The following SPATS2L variants were observed in gnomAD, a reference collection of about 807,000 sequenced individuals.
The protein encoded by SPATS2L is SPATS2-like protein.
In SPATS2L, 30 loss-of-function variants were observed where a neutral mutation model predicts 59.6. The ratio of observed to expected loss-of-function variants is 0.50; its 90% confidence interval spans 0.38 to 0.68. The LOEUF (loss-of-function observed/expected upper bound fraction) is 0.68, where lower values mean the gene tolerates loss of function less well. Ranked by LOEUF, SPATS2L falls within the 30% of genes least tolerant of loss-of-function variation. The pLI is 0.00. For synonymous variants in SPATS2L, 252 were observed against 263.5 expected, an observed-to-expected ratio of 0.96 and a Z score of 0.42; for missense variants, 615 against 700.0, an observed-to-expected ratio of 0.88 and a Z score of 1.37.
chr2:200,389,749 G>T (rs2082113792), intron 3 of SPATS2L: 1 of 153,270 alleles, frequency 6.5e-6, no homozygotes, highest in Non-Finnish European at 1.5e-5. Context: ...TCACCTGGTG[G>T]TCACGCTGGG....
chr2:200,402,560 G>T lies in SPATS2L; in HGVS notation c.40-9751G>T, dbSNP rs1344915961. Among the ~76,000 whole-genome samples the T allele has an allele frequency of 2.6e-5, 4 of 152,172 alleles. No individual in the cohort carries two copies. In the South Asian group the frequency reaches 8.3e-4, roughly 32 times the overall value. On this transcript the variant is annotated intron_variant, in intron 3 of 12. Coordinates refer to ENST00000409140, the MANE Select transcript of SPATS2L (RefSeq NM_001100423.2). ...AAGCTAACTTCAGTCCTTGGAGGGG[G>T]CTTCCCTTACTCTCTAGACTAGGAC...
intron 8 of SPATS2L, among the ~76,000 whole-genome samples, chr2:200,450,515 G>A (rs1376262750): frequency 1.3e-5 from 2 of 152,136 alleles, no homozygotes; most frequent in East Asian, 1.9e-4. Flanking sequence ...GTCTTGCCAT[G>A]CCTTCGCTAC....
At chr2:200,471,126 A>G (rs760013332) in intron 11 of SPATS2L, among the ~76,000 whole-genome samples, 9 of 152,050 alleles carry the variant, frequency 5.9e-5, no homozygotes, top group Non-Finnish European at 1.0e-4. Flanking sequence ...AGATCGCACC[A>G]CTGCACTCCA....
chr2:200,318,245 C>G (rs1164685076), intron 1 of SPATS2L, among the ~76,000 whole-genome samples: 1 of 152,158 alleles, frequency 6.6e-6, no homozygotes, highest in Non-Finnish European at 1.5e-5. Context: ...ATGCCCTGAT[C>G]TGGCAGGTCT....
At chr2:200,359,207 T>C (rs1037466880) in intron 2 of SPATS2L, among the ~76,000 whole-genome samples, 1 of 152,176 alleles carries the variant, frequency 6.6e-6, no homozygotes, top group Admixed American at 6.5e-5. Context: ...TCTTCCTCCA[T>C]ATTTTACTGA....
chr2:200,383,095 C>T (rs842829), intron 2 of SPATS2L, among the ~76,000 whole-genome samples: 23,151 of 152,102 alleles, frequency 0.15, 2,609 homozygotes, highest in African/African-American at 0.32. Context: ...CCCCTGCCCT[C>T]CAGAGCTTCT....
intron 6 of SPATS2L, among the ~76,000 whole-genome samples, chr2:200,420,493 G>T (rs1351562703): frequency 6.6e-6 from 1 of 152,182 alleles, no homozygotes; most frequent in Non-Finnish European, 1.5e-5. Context: ...CATTTGACAT[G>T]TACAGTAAGA....
intron 1 of SPATS2L, among the ~76,000 whole-genome samples, chr2:200,307,591 C>G (rs1027439248): frequency 6.6e-6 from 1 of 152,176 alleles, no homozygotes; most frequent in East Asian, 1.9e-4. Context: ...ACCCCGGAGT[C>G]CGCGGGCTGC....
intron 2 of SPATS2L, among the ~76,000 whole-genome samples, chr2:200,348,238 G>T (rs527931772): frequency 1.3e-5 from 2 of 152,220 alleles, no homozygotes; most frequent in Non-Finnish European, 2.9e-5. Flanking sequence ...ATAGGGCAGT[G>T]ACAGAAAATG....
intron 8 of SPATS2L, among the ~76,000 whole-genome samples, chr2:200,454,781 A>T (rs942900723): frequency 2.6e-5 from 4 of 152,208 alleles, no homozygotes; most frequent in African/African-American, 9.6e-5. Context: ...CTGTTTATGT[A>T]GAACACGTTT....
intron 2 of SPATS2L, among the ~76,000 whole-genome samples, chr2:200,368,645 G>A (rs1007481050): frequency 6.6e-6 from 1 of 152,170 alleles, no homozygotes; most frequent in South Asian, 2.1e-4. Context: ...CAATGTTTAA[G>A]CTTTTGTGCT....
chr2:200,371,867 T>A (rs974450978), intron 2 of SPATS2L, among the ~76,000 whole-genome samples: 1 of 152,192 alleles, frequency 6.6e-6, no homozygotes, highest in Non-Finnish European at 1.5e-5. Flanking sequence ...GCAAAATCTG[T>A]TAGAAGATAT....
At chr2:200,455,814 G>C (rs1335356933) in intron 8 of SPATS2L, among the ~76,000 whole-genome samples, 1 of 152,132 alleles carries the variant, frequency 6.6e-6, no homozygotes, top group African/African-American at 2.4e-5. Context: ...ATACGTGTCT[G>C]TCTCTGTCCT....
At chr2:200,380,817 C>T (rs1485708655) in intron 2 of SPATS2L, among the ~76,000 whole-genome samples, 1 of 151,960 alleles carries the variant, frequency 6.6e-6, no homozygotes, top group Non-Finnish European at 1.5e-5. Context: ...GTTTTTTTCT[C>T]CAAATTAAAC....
intron 1 of SPATS2L, among the ~76,000 whole-genome samples, chr2:200,326,752 G>C (rs1010926569): frequency 4.0e-5 from 6 of 151,734 alleles, no homozygotes; most frequent in African/African-American, 7.3e-5. Flanking sequence ...TTTCGAGACG[G>C]AGTCTTGCTC....
chr2:200,329,815 T>C (rs2079876360), intron 2 of SPATS2L, among the ~76,000 whole-genome samples: 1 of 152,088 alleles, frequency 6.6e-6, no homozygotes, highest in Non-Finnish European at 1.5e-5. Context: ...AAAGACATTC[T>C]TGTGATTTAG....
rs1395289929 is a variant in SPATS2L at position 200,481,370 on chromosome 2, G to A, written c.*3339G>A. ...ACAGATTTGGAAATTCTGACTCTCT[G>A]AAAGCCTTGATTTGAACCTCAAACT... On this transcript the variant is annotated 3_prime_UTR_variant, in exon 13 of 13. Transcript: ENST00000409140. 3 of 152,212 alleles carry A rather than the reference G, an allele frequency of 2.0e-5. No individual in the cohort carries two copies. Among genetic ancestry groups the A allele is most frequent in the Non-Finnish European group, 1.5e-5 (1 of 68,038 alleles). 9.4% of individuals were successfully genotyped at this position (152,212 alleles called of 1,614,324 possible). A position where few individuals can be genotyped will look rare whatever the true frequency, so the allele number is the denominator to read the frequency against.
intron 8 of SPATS2L, among the ~76,000 whole-genome samples, chr2:200,447,223 G>T (rs780386709): frequency 2.0e-5 from 3 of 152,156 alleles, no homozygotes; most frequent in African/African-American, 4.8e-5. Flanking sequence ...CTGCTTGGGG[G>T]TTATTCTTTT....
At chr2:200,475,491 A>C (rs1031038678) in intron 12 of SPATS2L, among the ~76,000 whole-genome samples, 1 of 152,244 alleles carries the variant, frequency 6.6e-6, no homozygotes, top group African/African-American at 2.4e-5. Context: ...GGTCTTAGGC[A>C]GATAAAAGAC....
Sources: allele counts gnomAD v4.1 joint callset (sites outside exome capture counted in the v4.1 genomes callset), GRCh38; gene constraint gnomAD v4.1.1; transcripts MANE v1.5; gene names NCBI Gene and HGNC (gene_info 2026-07-23, HGNC 2026-07-21).